Variants in HPSE2 observed in about 807,000 individuals in gnomAD.
HPSE2 encodes the protein heparanase 2 (inactive).
In HPSE2, 38 loss-of-function variants were observed where a neutral mutation model predicts 60.5. That is an observed-to-expected ratio of 0.63 (90% CI 0.48 to 0.82). The LOEUF is 0.82. Among genes scored for constraint, HPSE2 ranks in the 40% least tolerant of loss-of-function variants. The pLI is 0.00. For missense variants in HPSE2, 713 were observed against 740.4 expected (o/e 0.96, Z 0.43); for synonymous variants, 295 against 293.2 (o/e 1.01, Z -0.06).
At chr10:98,864,391 T>C (rs190785626) in intron 3 of HPSE2, among the ~76,000 whole-genome samples, 3 of 152,136 alleles carry the variant, frequency 2.0e-5, no homozygotes, top group Non-Finnish European at 2.9e-5. Flanking sequence ...TTGTAATACC[T>C]AAGTTTTCTC....
chr10:99,284,282 A>T, the HPSE2 span, among the ~76,000 whole-genome samples: 1 of 152,226 alleles, frequency 6.6e-6, no homozygotes, highest in East Asian at 1.9e-4. Flanking sequence ...AGAAAAAAAC[A>T]TATAATGACC....
chr10:98,849,016 C>CAAA (rs10717237), intron 3 of HPSE2, among the ~76,000 whole-genome samples: 10 of 140,470 alleles, frequency 7.1e-5, no homozygotes, highest in African/African-American at 2.0e-4. Flanking sequence ...GTGGGAAAGA[C>CAAA]AAAAAAAAAA....
At chr10:99,180,151 A>G (rs1334398697) in intron 2 of HPSE2, among the ~76,000 whole-genome samples, 1 of 152,334 alleles carries the variant, frequency 6.6e-6, no homozygotes, top group East Asian at 1.9e-4. Context: ...CTAAAATCAT[A>G]AAAACCCTAG....
chr10:98,523,961 C>T (rs909360425), intron 9 of HPSE2, among the ~76,000 whole-genome samples: 2 of 152,118 alleles, frequency 1.3e-5, no homozygotes, highest in Admixed American at 6.5e-5. Context: ...GCTTAGGGGC[C>T]TTTCATAATA....
intron 6 of HPSE2, among the ~76,000 whole-genome samples, chr10:98,665,965 C>T (rs514504): frequency 0.19 from 28,301 of 152,092 alleles, 3,118 homozygotes; most frequent in East Asian, 0.34. Context: ...GGTCTAAATG[C>T]CCCACTTAAA....
At chr10:98,746,257 T>C (rs35789679) in intron 3 of HPSE2, among the ~76,000 whole-genome samples, 29 of 50,218 alleles carry the variant, frequency 5.8e-4, no homozygotes, top group African/African-American at 1.8e-3. Flanking sequence ...AATGCATTTA[T>C]AGCTTAGTAA....
chr10:98,811,976 T>C (rs1343841221), intron 3 of HPSE2, among the ~76,000 whole-genome samples: 2 of 152,162 alleles, frequency 1.3e-5, no homozygotes, highest in African/African-American at 4.8e-5. Context: ...TGTTAATTGT[T>C]AGGATATAGA....
At chr10:99,211,797 T>C (rs1848960743) in intron 2 of HPSE2, among the ~76,000 whole-genome samples, 1 of 152,124 alleles carries the variant, frequency 6.6e-6, no homozygotes, top group South Asian at 2.1e-4. Flanking sequence ...TACATTGGCC[T>C]GGGCAATAAT....
intron 9 of HPSE2, among the ~76,000 whole-genome samples, chr10:98,496,533 C>T (rs1210707178): frequency 6.6e-6 from 1 of 152,240 alleles, no homozygotes; most frequent in African/African-American, 2.4e-5. Context: ...GGAACACATA[C>T]ACAGCTACCT....
At chr10:99,102,977 G>A (rs575917975) in intron 3 of HPSE2, among the ~76,000 whole-genome samples, 9 of 152,246 alleles carry the variant, frequency 5.9e-5, no homozygotes, top group Non-Finnish European at 1.0e-4. Flanking sequence ...CTGATGGGAC[G>A]TATCTCAAAA....
chr10:99,046,581 A>G (rs886099625), intron 3 of HPSE2, among the ~76,000 whole-genome samples: 27 of 152,238 alleles, frequency 1.8e-4, no homozygotes, highest in African/African-American at 3.8e-4. Context: ...AGAAAACCCT[A>G]AAGACTCCCC....
intron 6 of HPSE2, among the ~76,000 whole-genome samples, chr10:98,691,554 G>C (rs1948077560): frequency 6.6e-6 from 1 of 152,040 alleles, no homozygotes; most frequent in Non-Finnish European, 1.5e-5. Context: ...ATATTTTTAT[G>C]CTGATATCAT....
chr10:98,750,367 T>C (rs891288610), intron 3 of HPSE2, among the ~76,000 whole-genome samples: 3 of 152,106 alleles, frequency 2.0e-5, no homozygotes, highest in African/African-American at 7.2e-5. Context: ...TTATAAGAAC[T>C]TTGGCTTTTG....
rs554608127 is a variant in HPSE2, at chr10:98,633,086, C to T, written c.1098+8761G>A. 9.8e-5 allele frequency among the ~76,000 whole-genome samples: 15 copies of T among 152,300 alleles called. No homozygotes were observed. The South Asian group carries it at 2.7e-3, about 27-fold the overall frequency. On this transcript the variant is annotated intron_variant, in intron 7 of 11. Coordinates refer to ENST00000370552, the MANE Select transcript of HPSE2 (RefSeq NM_021828.5). ...AACGCCTCCTCTTTCTCCTCCTCAT[C>T]CTACTCAATGTGAAGACAAAGAGGA... is the stretch of plus-strand genomic sequence containing the variant.
chr10:98,811,558 C>A (rs1411701955), intron 3 of HPSE2, among the ~76,000 whole-genome samples: 2 of 151,978 alleles, frequency 1.3e-5, no homozygotes, highest in Non-Finnish European at 2.9e-5. Flanking sequence ...TCAAAGAGAA[C>A]AATAAAATAT....
intron 11 of HPSE2, among the ~76,000 whole-genome samples, chr10:98,479,214 A>AT (rs1245260945): frequency 6.6e-6 from 1 of 152,140 alleles, no homozygotes; most frequent in African/African-American, 2.4e-5. Context: ...GGTGGCTTGA[A>AT]TTGGGGCGGG....
intron 3 of HPSE2, among the ~76,000 whole-genome samples, chr10:98,868,277 T>C (rs541315657): frequency 1.3e-5 from 2 of 152,050 alleles, no homozygotes; most frequent in East Asian, 3.9e-4. Flanking sequence ...CACTTATTTG[T>C]GTGATCTAAA....
At chr10:99,035,180 G>A (rs769292491) in intron 3 of HPSE2, among the ~76,000 whole-genome samples, 2 of 152,032 alleles carry the variant, frequency 1.3e-5, no homozygotes, top group African/African-American at 4.8e-5. Flanking sequence ...ACTTTTGGAC[G>A]CTTTTGTAAT....
intron 3 of HPSE2, among the ~76,000 whole-genome samples, chr10:98,992,297 GT>G (rs371993001): frequency 2.6e-5 from 4 of 151,584 alleles, no homozygotes; most frequent in African/African-American, 9.7e-5. Context: ...TTAAATAGTT[GT>G]TTTTTTTCAT....
Sources: allele counts gnomAD v4.1 joint callset (sites outside exome capture counted in the v4.1 genomes callset), GRCh38; gene constraint gnomAD v4.1.1; transcripts MANE v1.5; gene names NCBI Gene and HGNC (gene_info 2026-07-23, HGNC 2026-07-21).